Variants in PTK2 observed in about 807,000 individuals in gnomAD.
PTK2 encodes the protein protein tyrosine kinase 2, also known as focal adhesion kinase 1.
In PTK2, 45 loss-of-function variants were observed where a neutral mutation model predicts 150.1. That is an observed-to-expected ratio of 0.30 (90% CI 0.24 to 0.38). PTK2 has a LOEUF of 0.38. PTK2 is among the 10% of genes least tolerant of loss of function. The pLI is 1.00. For synonymous variants in PTK2, 432 were observed against 449.2 expected (o/e 0.96, Z 0.48); for missense variants, 919 against 1,307.3 (o/e 0.70, Z 4.58).
intron 8 of PTK2, among the ~76,000 whole-genome samples, chr8:140,820,315 G>C (rs1203095157): frequency 1.3e-5 from 2 of 151,214 alleles, no homozygotes; most frequent in Admixed American, 6.6e-5. Flanking sequence ...TGGCCAGGCT[G>C]GTCTTGAACT....
intron 7 of PTK2, among the ~76,000 whole-genome samples, chr8:140,834,422 T>C (rs867877919): frequency 2.0e-5 from 3 of 152,266 alleles, no homozygotes; most frequent in Middle Eastern, 3.4e-3. Flanking sequence ...AAGCCTTTCG[T>C]TGGGACTGCT....
chr8:140,933,210 G>C lies in PTK2; in HGVS notation c.-121-7461C>G, dbSNP rs1209442451. ...GTAATGAAAAAAAAAAAAAAGACTT[G>C]AGATTTCTAAATCCAAGACAGATGC... On this transcript the variant is annotated intron_variant, in intron 1 of 31. Transcript: ENST00000522684. Among the ~76,000 whole-genome samples, 5 of 147,278 alleles carry C rather than the reference G, an allele frequency of 3.4e-5. No homozygotes were observed. In the East Asian group the frequency reaches 9.8e-4, roughly 29 times the overall value.
At chr8:140,776,728 G>A (rs538748253) in intron 14 of PTK2, among the ~76,000 whole-genome samples, 39 of 152,256 alleles carry the variant, frequency 2.6e-4, no homozygotes, top group African/African-American at 9.4e-4. Flanking sequence ...TCCACATGGC[G>A]AGAACATAGT....
chr8:140,678,340 G>A (rs969156476), intron 27 of PTK2, among the ~76,000 whole-genome samples: 5 of 149,392 alleles, frequency 3.3e-5, no homozygotes, highest in African/African-American at 4.9e-5. Context: ...GAGCCACTGC[G>A]CCTGGCCCTT....
intron 8 of PTK2, among the ~76,000 whole-genome samples, chr8:140,828,153 A>G (rs964128777): frequency 1.3e-5 from 2 of 151,670 alleles, no homozygotes; most frequent in African/African-American, 4.9e-5. Flanking sequence ...GCGATGGAGC[A>G]AGACTCTGTC....
chr8:140,946,719 T>C (rs1465348377), intron 1 of PTK2, among the ~76,000 whole-genome samples: 2 of 152,174 alleles, frequency 1.3e-5, no homozygotes, highest in African/African-American at 4.8e-5. Context: ...GCATTACTTT[T>C]TTCTCATCCC....
chr8:140,773,318 C>T (rs546814353), intron 14 of PTK2, among the ~76,000 whole-genome samples: 2 of 152,182 alleles, frequency 1.3e-5, no homozygotes, highest in African/African-American at 4.8e-5. Flanking sequence ...GAACAGTGAA[C>T]AAAATAGAAA....
intron 13 of PTK2, among the ~76,000 whole-genome samples, chr8:140,792,854 C>T (rs1811801464): frequency 1.3e-5 from 2 of 152,192 alleles, no homozygotes; most frequent in Non-Finnish European, 2.9e-5. Context: ...TAGATTTTAA[C>T]ATTCATATCT....
chr8:140,765,452 T>C (rs1232768296), intron 14 of PTK2, among the ~76,000 whole-genome samples: 1 of 152,176 alleles, frequency 6.6e-6, no homozygotes, highest in South Asian at 2.1e-4. Flanking sequence ...CTTCTTATTA[T>C]GTAATCATCA....
chr8:140,934,722 AGT>A (rs1301778548), intron 1 of PTK2: 2 of 152,218 alleles, frequency 1.3e-5, no homozygotes, highest in African/African-American at 4.8e-5. Flanking sequence ...TTAAACAAGT[AGT>A]GTTTATCAAG....
chr8:140,820,079 T>G (rs1237183514), intron 8 of PTK2, among the ~76,000 whole-genome samples: 2 of 30,210 alleles, frequency 6.6e-5, no homozygotes, highest in Admixed American at 3.2e-4. Context: ...GACTTTGGTT[T>G]TTTTTTTTTT....
chr8:140,900,320 A>C (rs1024584093), intron 2 of PTK2, among the ~76,000 whole-genome samples: 1 of 152,228 alleles, frequency 6.6e-6, no homozygotes, highest in African/African-American at 2.4e-5. Context: ...TAAATCAAGA[A>C]AGCAATCACA....
chr8:140,905,404 C>T (rs1439818635), intron 2 of PTK2, among the ~76,000 whole-genome samples: 1 of 151,218 alleles, frequency 6.6e-6, no homozygotes, highest in Admixed American at 6.6e-5. Flanking sequence ...AGACTTTAAA[C>T]CAACAAAGAT....
rs150813621 is a variant in PTK2 at position 140,944,437 on chromosome 8, T to C, written c.-121-18688A>G. 1.3e-3 allele frequency among the ~76,000 whole-genome samples: 198 copies of C among 152,354 alleles called. 1 individual carries two copies. The highest frequency in any genetic ancestry group is 6.8e-3 in the Middle Eastern group (2 of 294). ...GTTAACCTTAAGGCCTAAGCTTTAC[T>C]GTAAGGAAATGGAGAACTTGATACT... On this transcript the variant is annotated intron_variant, in intron 1 of 31. Transcript: ENST00000522684.
intron 1 of PTK2, among the ~76,000 whole-genome samples, chr8:140,971,988 T>A (rs925401550): frequency 3.9e-5 from 6 of 152,224 alleles, no homozygotes; most frequent in Admixed American, 3.9e-4. Context: ...TATAAATGCC[T>A]TCTAAGCAAT....
intron 14 of PTK2, among the ~76,000 whole-genome samples, chr8:140,777,629 A>C (rs2100079209): frequency 6.6e-6 from 1 of 151,884 alleles, no homozygotes; most frequent in African/African-American, 2.4e-5. Context: ...CCATAACTAA[A>C]CTCCCATTAG....
intron 23 of PTK2, among the ~76,000 whole-genome samples, chr8:140,714,387 G>C (rs962669715): frequency 1.3e-5 from 2 of 151,608 alleles, no homozygotes; most frequent in Non-Finnish European, 2.9e-5. Context: ...GGAGGCCGAA[G>C]CAAAGGGATT....
intron 3 of PTK2, 65 bp from the exon 4 acceptor site, chr8:140,879,702 CCA>C: frequency 1.5e-6 from 1 of 661,576 alleles, no homozygotes; most frequent in Non-Finnish European, 1.9e-6. Flanking sequence ...AAAAAAAAAA[CCA>C]AAACAAAACA....
chr8:140,973,550 A>G (rs1420548125), intron 1 of PTK2, among the ~76,000 whole-genome samples: 1 of 152,218 alleles, frequency 6.6e-6, no homozygotes, highest in Non-Finnish European at 1.5e-5. Context: ...AATGGTCAAA[A>G]AGGCAAACTC....
Sources: gnomAD v4.1 joint callset for allele counts (sites outside exome capture counted in the v4.1 genomes callset) on GRCh38, gnomAD v4.1.1 for gene constraint, MANE v1.5 for transcripts, NCBI Gene and HGNC (gene_info 2026-07-23, HGNC 2026-07-21) for gene names.